The following EPHA5 variants were observed in gnomAD, a reference collection of about 807,000 sequenced individuals.
The protein encoded by EPHA5 is EPH receptor A5.
Under a neutral mutation model 105.0 loss-of-function variants are expected in EPHA5, and 60 were observed. The observed-to-expected ratio is 0.57, with a 90% CI of 0.46 to 0.71. EPHA5 has a LOEUF of 0.71. EPHA5 is among the 30% of genes least tolerant of loss of function. The probability of loss-of-function intolerance (pLI) is 0.00; values close to 1 mark genes in which losing one functional copy is unlikely to be tolerated. For missense variants in EPHA5, 1,218 were observed against 1,274.7 expected, an observed-to-expected ratio of 0.96 and a Z score of 0.68; for synonymous variants, 513 against 449.1, an observed-to-expected ratio of 1.14 and a Z score of -1.80.
chr4:65,648,126 A>G (rs1355760951), intron 1 of EPHA5, among the ~76,000 whole-genome samples: 1 of 152,238 alleles, frequency 6.6e-6, no homozygotes, highest in Non-Finnish European at 1.5e-5. Context: ...TTGAGATTCA[A>G]GGAGAGCAAA....
At chr4:65,654,241 G>GAA (rs35249905) in intron 1 of EPHA5, among the ~76,000 whole-genome samples, 168 of 136,050 alleles carry the variant, frequency 1.2e-3, no homozygotes, top group African/African-American at 2.9e-3. Context: ...CTTCTTTCTT[G>GAA]AAAAAAAAAA....
At chr4:65,517,991 A>C (rs1734273387) in intron 3 of EPHA5, among the ~76,000 whole-genome samples, 1 of 151,972 alleles carries the variant, frequency 6.6e-6, no homozygotes, top group South Asian at 2.1e-4. Context: ...TTAAAAGATT[A>C]ATTTTTGAGT....
intron 3 of EPHA5, among the ~76,000 whole-genome samples, chr4:65,568,522 A>G (rs2149370245): frequency 6.6e-6 from 1 of 151,406 alleles, no homozygotes; most frequent in East Asian, 1.9e-4. Flanking sequence ...ATTTTTATTA[A>G]TAATTAACAA....
intron 5 of EPHA5, among the ~76,000 whole-genome samples, chr4:65,487,622 T>C (rs977516113): frequency 6.6e-6 from 1 of 152,160 alleles, no homozygotes; most frequent in Non-Finnish European, 1.5e-5. Context: ...TCATTTGGTC[T>C]TGTAGCCCTC....
chr4:65,459,219 G>A (rs894677763), intron 5 of EPHA5, among the ~76,000 whole-genome samples: 35 of 151,884 alleles, frequency 2.3e-4, no homozygotes, highest in African/African-American at 8.5e-4. Flanking sequence ...AATAAAGTAA[G>A]GTAAGTAACA....
At chr4:65,462,020 G>T (rs893855384) in intron 5 of EPHA5, among the ~76,000 whole-genome samples, 1 of 152,052 alleles carries the variant, frequency 6.6e-6, no homozygotes, top group Admixed American at 6.6e-5. Flanking sequence ...ATTATAAAGA[G>T]ATAGTAGACA....
At chr4:65,429,451 A>G (rs1724769957) in intron 5 of EPHA5, among the ~76,000 whole-genome samples, 1 of 147,660 alleles carries the variant, frequency 6.8e-6, no homozygotes, top group Admixed American at 7.1e-5. Context: ...TTTGGCAACC[A>G]CAGACTAAGT....
intron 2 of EPHA5, among the ~76,000 whole-genome samples, chr4:65,628,882 A>AT (rs556412101): frequency 7.9e-5 from 12 of 151,698 alleles, no homozygotes; most frequent in African/African-American, 1.7e-4. Flanking sequence ...ACTCTCTTAA[A>AT]TTTTTTTTTC....
chr4:65,425,093 T>C (rs1010034811), intron 5 of EPHA5, among the ~76,000 whole-genome samples: 4 of 152,082 alleles, frequency 2.6e-5, no homozygotes, highest in Non-Finnish European at 2.9e-5. Flanking sequence ...ACCCATATTT[T>C]AAGTCTCAAA....
At chr4:65,508,119 G>A (rs1006830871) in intron 3 of EPHA5, among the ~76,000 whole-genome samples, 2 of 151,998 alleles carry the variant, frequency 1.3e-5, no homozygotes, top group East Asian at 3.9e-4. Context: ...AGCAATATTT[G>A]TGTTAACATG....
intron 2 of EPHA5, among the ~76,000 whole-genome samples, chr4:65,616,065 A>C (rs1745208429): frequency 6.6e-6 from 1 of 151,954 alleles, no homozygotes; most frequent in African/African-American, 2.4e-5. Flanking sequence ...TGGTTAAACA[A>C]ACTGTAGTAC....
chr4:65,488,745 A>G (rs1731118268), intron 5 of EPHA5, among the ~76,000 whole-genome samples: 1 of 152,210 alleles, frequency 6.6e-6, no homozygotes, highest in African/African-American at 2.4e-5. Flanking sequence ...ACAAATATTC[A>G]ATGTGGCTAA....
At chr4:65,536,925 G>A (rs1269106421) in intron 3 of EPHA5, among the ~76,000 whole-genome samples, 1 of 151,778 alleles carries the variant, frequency 6.6e-6, no homozygotes, top group Non-Finnish European at 1.5e-5. Context: ...GAATTTGTGT[G>A]TCTGTTAGAA....
chr4:65,515,578 G>T (rs545241739), intron 3 of EPHA5, among the ~76,000 whole-genome samples: 34 of 152,092 alleles, frequency 2.2e-4, no homozygotes, highest in African/African-American at 4.8e-4. Context: ...GTATTTTATG[G>T]TTTTTTGTGA....
chr4:65,415,743 G>A (rs1193062242), intron 6 of EPHA5, among the ~76,000 whole-genome samples: 1 of 151,932 alleles, frequency 6.6e-6, no homozygotes, highest in Admixed American at 6.6e-5. Context: ...ATTAAATCTT[G>A]TAAAACTTTA....
chr4:65,338,476 T>C (rs1205529799), intron 14 of EPHA5, among the ~76,000 whole-genome samples: 2 of 152,122 alleles, frequency 1.3e-5, no homozygotes, highest in East Asian at 3.9e-4. Flanking sequence ...GCACCCTTTT[T>C]TTTTCAATAA....
chr4:65,511,550 GTA>G (rs1373737869), intron 3 of EPHA5, among the ~76,000 whole-genome samples: 4 of 152,050 alleles, frequency 2.6e-5, no homozygotes, highest in Non-Finnish European at 5.9e-5. Context: ...GTGCATATGT[GTA>G]TATATGTATG....
intron 3 of EPHA5, among the ~76,000 whole-genome samples, chr4:65,533,121 A>C (rs1233124286): frequency 4.6e-5 from 7 of 152,132 alleles, no homozygotes; most frequent in Admixed American, 3.9e-4. Flanking sequence ...CCAGGTCCTC[A>C]TTCTAAATAC....
intron 3 of EPHA5, among the ~76,000 whole-genome samples, chr4:65,505,277 G>A (rs181483621): frequency 6.3e-4 from 96 of 152,044 alleles, no homozygotes; most frequent in African/African-American, 2.2e-3. Flanking sequence ...ATAGAAAAAA[G>A]ATATCTATCT....
Sources: allele counts gnomAD v4.1 joint callset (sites outside exome capture counted in the v4.1 genomes callset), GRCh38; gene constraint gnomAD v4.1.1; transcripts MANE v1.5; gene names NCBI Gene and HGNC (gene_info 2026-07-23, HGNC 2026-07-21).